Variants in DSCAML1 observed in about 807,000 individuals in gnomAD.
DSCAML1 encodes cell adhesion molecule DSCAML1.
DSCAML1 carries 38 observed loss-of-function variants against 200.5 expected under a neutral mutation model. That is an observed-to-expected ratio of 0.19 (90% CI 0.15 to 0.25). DSCAML1 has a LOEUF of 0.25. Among genes scored for constraint, DSCAML1 ranks in the 10% least tolerant of loss-of-function variants. DSCAML1 has a pLI of 1.00. For missense variants in DSCAML1, 2,223 were observed against 2,858.8 expected (o/e 0.78, Z 5.07); for synonymous variants, 1,215 against 1,165.0 (o/e 1.04, Z -0.87).
chr11:117,632,790 T>C (rs182298711), intron 3 of DSCAML1, among the ~76,000 whole-genome samples: 3 of 152,346 alleles, frequency 2.0e-5, no homozygotes, highest in African/African-American at 4.8e-5. Flanking sequence ...AATTAATTCA[T>C]AATAATAGTA....
At chr11:117,587,173 A>C (rs1432069422) in intron 3 of DSCAML1, among the ~76,000 whole-genome samples, 3 of 147,896 alleles carry the variant, frequency 2.0e-5, no homozygotes, top group South Asian at 2.2e-4. Flanking sequence ...CACCACCCTC[A>C]CTCCTCCTAG....
At chr11:117,648,447 CA>C (rs1370998780) in intron 3 of DSCAML1, among the ~76,000 whole-genome samples, 1 of 152,200 alleles carries the variant, frequency 6.6e-6, no homozygotes, top group Non-Finnish European at 1.5e-5. Flanking sequence ...CAGCCAAGTT[CA>C]ATTCCTTGTG....
chr11:117,732,526 A>G (rs1470891030), intron 3 of DSCAML1, among the ~76,000 whole-genome samples: 1 of 152,198 alleles, frequency 6.6e-6, no homozygotes, highest in African/African-American at 2.4e-5. Flanking sequence ...CTCACACTGT[A>G]TCTGGATGAA....
intron 19 of DSCAML1, among the ~76,000 whole-genome samples, chr11:117,455,428 T>C (rs2048353108): frequency 1.3e-5 from 2 of 152,180 alleles, no homozygotes; most frequent in East Asian, 3.8e-4. Context: ...GTTAAAGGTC[T>C]TTAAAGTGGT....
intron 3 of DSCAML1, among the ~76,000 whole-genome samples, chr11:117,663,689 A>G (rs1025864232): frequency 2.0e-5 from 3 of 152,086 alleles, no homozygotes; most frequent in African/African-American, 7.2e-5. Context: ...TTTAGTTTCA[A>G]CAGTTTAATC....
chr11:117,699,383 G>A (rs1042962592), intron 3 of DSCAML1, among the ~76,000 whole-genome samples: 25 of 152,208 alleles, frequency 1.6e-4, no homozygotes, highest in African/African-American at 5.5e-4. Context: ...GCTCAGAAAT[G>A]AGAATGTGAA....
intron 3 of DSCAML1, among the ~76,000 whole-genome samples, chr11:117,568,791 C>T (rs1298231560): frequency 6.6e-6 from 1 of 152,176 alleles, no homozygotes; most frequent in Non-Finnish European, 1.5e-5. Context: ...AATGGCCATA[C>T]TGCCCAAGGT....
chr11:117,626,249 A>C (rs1279989645), intron 3 of DSCAML1, among the ~76,000 whole-genome samples: 2 of 141,574 alleles, frequency 1.4e-5, no homozygotes, highest in Non-Finnish European at 3.1e-5. Context: ...GAATCAGCCC[A>C]AGTTATCACC....
chr11:117,539,662 G>T (rs1223383683), intron 3 of DSCAML1, among the ~76,000 whole-genome samples: 1 of 145,690 alleles, frequency 6.9e-6, no homozygotes, highest in East Asian at 2.0e-4. Context: ...GTGGCAAGAG[G>T]TTTGCCAGAT....
chr11:117,617,684 A>ACACG (rs916733062), intron 3 of DSCAML1, among the ~76,000 whole-genome samples: 12 of 31,118 alleles, frequency 3.9e-4, no homozygotes, highest in African/African-American at 8.5e-4. Context: ...GTACACGCAC[A>ACACG]CACACACACA....
At chr11:117,682,815 G>A (rs2053334589) in intron 3 of DSCAML1, among the ~76,000 whole-genome samples, 1 of 152,220 alleles carries the variant, frequency 6.6e-6, no homozygotes, top group Admixed American at 6.5e-5. Context: ...AGGCTGGCTG[G>A]AGGGAGGAAG....
chr11:117,732,567 G>A (rs1277858020), intron 3 of DSCAML1, among the ~76,000 whole-genome samples: 3 of 152,118 alleles, frequency 2.0e-5, no homozygotes. Context: ...TGAGAGGTCC[G>A]ACCGGGGAAC....
intron 3 of DSCAML1, among the ~76,000 whole-genome samples, chr11:117,735,079 G>A (rs2054293655): frequency 6.6e-6 from 1 of 152,182 alleles, no homozygotes; most frequent in South Asian, 2.1e-4. Context: ...TTCCCTCGGG[G>A]GACCAGACCA....
intron 3 of DSCAML1, among the ~76,000 whole-genome samples, chr11:117,659,031 C>G (rs1333369360): frequency 1.3e-5 from 2 of 152,182 alleles, no homozygotes; most frequent in African/African-American, 4.8e-5. Flanking sequence ...TCCTCTGACC[C>G]ACGATTCCTT....
At chr11:117,736,755 TCTC>T (rs2054323492) in intron 3 of DSCAML1, among the ~76,000 whole-genome samples, 2 of 152,258 alleles carry the variant, frequency 1.3e-5, no homozygotes, top group East Asian at 1.9e-4. Context: ...ATTGGCCCCA[TCTC>T]CTCATTTTAT....
chr11:117,486,162 G>C (rs548655316), intron 11 of DSCAML1, among the ~76,000 whole-genome samples: 1 of 152,200 alleles, frequency 6.6e-6, no homozygotes, highest in Non-Finnish European at 1.5e-5. Flanking sequence ...CCTCGCCAGC[G>C]CAAGTGAATG....
At chr11:117,797,010 C>T in intron 1 of DSCAML1, 24 bp downstream of exon 1, 4 of 1,415,808 alleles carry the variant, frequency 2.8e-6, no homozygotes, top group Non-Finnish European at 2.8e-6. Context: ...GCCTCCGCCG[C>T]CCAGCCGCCC....
intron 3 of DSCAML1, among the ~76,000 whole-genome samples, chr11:117,700,750 C>A (rs1260658481): frequency 6.6e-6 from 1 of 152,226 alleles, no homozygotes; most frequent in Non-Finnish European, 1.5e-5. Context: ...CACACTGGAC[C>A]AGTGCCAGGG....
intron 8 of DSCAML1, among the ~76,000 whole-genome samples, chr11:117,509,161 C>T (rs1053306315): frequency 2.0e-5 from 3 of 152,000 alleles, no homozygotes; most frequent in Non-Finnish European, 4.4e-5. Context: ...TATACAGATG[C>T]TGAGCTCAAG....
Sources: gnomAD v4.1 joint callset for allele counts (sites outside exome capture counted in the v4.1 genomes callset) on GRCh38, gnomAD v4.1.1 for gene constraint, MANE v1.5 for transcripts, NCBI Gene and HGNC (gene_info 2026-07-23, HGNC 2026-07-21) for gene names.